The following INSM2 variants were observed in gnomAD, a reference collection of about 807,000 sequenced individuals.
The protein encoded by INSM2 is insulinoma-associated protein 2.
A neutral mutation model predicts 30.5 loss-of-function variants in INSM2; 12 were observed. The ratio of observed to expected loss-of-function variants is 0.39; its 90% CI spans 0.25 to 0.64. The LOEUF is 0.64. Among genes scored for constraint, INSM2 ranks in the 30% least tolerant of loss-of-function variants. The pLI, the probability that INSM2 is intolerant of heterozygous loss-of-function variation, is 0.47. For synonymous variants in INSM2, 418 were observed against 383.7 expected (o/e 1.09, Z -1.05); for missense variants, 773 against 819.2 (o/e 0.94, Z 0.69).
chr14:35,535,170 G>C lies in INSM2; in HGVS notation c.918G>C (p.Leu306=), dbSNP rs2053587816. ...AGGTGTTCAGCTGTCCTGCGAACCTGGCCTCCCATCGCCGCTGGCATAAGC... is the reference window on the plus strand; with the variant it reads ...AGGTGTTCAGCTGTCCTGCGAACCTCGCCTCCCATCGCCGCTGGCATAAGC... The part of the protein sequence containing the change: ...CDKVFSCPAN[L]ASHRRWHKPR... Residue 306 remains leucine, a synonymous_variant, in exon 1 of 1, where the codon CTG becomes CTC. Coordinates refer to ENST00000307169, the MANE Select transcript of INSM2 (RefSeq NM_032594.4). 6.2e-7 allele frequency: 1 copy of C among 1,612,758 alleles called. No individual in the cohort carries two copies. Among genetic ancestry groups the C allele is most frequent in the Admixed American group, 1.7e-5 (1 of 59,972 alleles).
In INSM2 at chr14:35,536,100, A is replaced by T; in HGVS notation, c.*147A>T. On this transcript the variant is annotated 3_prime_UTR_variant, in exon 1 of 1. Transcript: ENST00000307169. ...AAATTCTCCCTGTAGTCAATGTTCC[A>T]CCAGAGGAGCGGACAGTGAAATGTA... The T allele has an allele frequency of 1.0e-6, 1 of 961,774 alleles. No homozygotes were observed. The highest frequency in any genetic ancestry group is 1.6e-6 in the Non-Finnish European group (1 of 641,600). 59.6% of individuals were successfully genotyped at this position (961,774 alleles called of 1,614,324 possible).
rs1203385071 is a variant in INSM2 at position 35,534,246 on chromosome 14, C to T, written c.-7C>T. On this transcript the variant is annotated 5_prime_UTR_variant, in exon 1 of 1. Coordinates refer to ENST00000307169, the MANE Select transcript of INSM2 (RefSeq NM_032594.4). ...TCCTCTTGTCCCAGAGCGCTCTCGA[C>T]TCCACCATGCCAAGGGGATTCCTGG... The T allele has an allele frequency of 2.5e-6, 4 of 1,587,508 alleles. No homozygotes were observed. Among genetic ancestry groups the T allele is most frequent in the Non-Finnish European group, 2.6e-6 (3 of 1,168,616 alleles).
chr14:35,535,946 G>T lies in INSM2; in HGVS notation c.1694G>T (p.Gly565Val). The T allele has an allele frequency of 3.7e-6, 6 of 1,603,048 alleles. No individual in the cohort carries two copies. The highest frequency in any genetic ancestry group is 4.3e-6 in the Non-Finnish European group (5 of 1,174,896). Residue 565 changes from glycine (G) to valine (V), a missense_variant, in exon 1 of 1, where the codon GGC becomes GTC. Transcript: ENST00000307169. ...CTGCTGCAGATGCCACTGCGGCCTGGCTGCTGAGGGACGAGAGACCAGGAT... is the reference window on the plus strand; with the variant it reads ...CTGCTGCAGATGCCACTGCGGCCTGTCTGCTGAGGGACGAGAGACCAGGAT... The part of the protein sequence containing the change: ...VLLLQMPLRP[G>V]C
Position 35,535,282 on chromosome 14 carries a change from G to C in INSM2, c.1030G>C (p.Gly344Arg), listed in dbSNP as rs983429812. Residue 344 changes from glycine to arginine, a missense_variant, in exon 1 of 1, where the codon GGG becomes CGG. By Grantham distance (125) the Gly-to-Arg change is moderately radical. Transcript: ENST00000307169. ...GTCGTCTTCGTCCTCCCGGGACTCC[G>C]GGGCCATTGCATCTTTTCTGGCGGA... Reference protein sequence around the residue: ...SSSSSSSRDSGAIASFLAEGK... With the variant: ...SSSSSSSRDSRAIASFLAEGK... 3.1e-6 allele frequency: 5 copies of C among 1,613,074 alleles called. No individual in the cohort carries two copies. The Admixed American group carries it at 5.0e-5, about 16-fold the overall frequency.
Position 35,534,620 on chromosome 14 carries a change from C to A in INSM2, c.368C>A (p.Ala123Glu). ...CCGGCAGGCGCAGAGCTGCGTCGGGCGTTCCTGGAGCGCTGCCTCAGCTCG... is the reference window on the plus strand; with the variant it reads ...CCGGCAGGCGCAGAGCTGCGTCGGGAGTTCCTGGAGCGCTGCCTCAGCTCG... Reference protein sequence around the residue: ...AKPAGAELRRAFLERCLSSPV... With the variant: ...AKPAGAELRREFLERCLSSPV... The change falls in exon 1 of 1, where the codon GCG becomes GAG. Residue 123 changes from alanine (A) to glutamate (E), a missense_variant. Transcript: ENST00000307169. The A allele has an allele frequency of 6.9e-7, 1 of 1,447,480 alleles. No individual in the cohort carries two copies. The highest frequency in any genetic ancestry group is 9.0e-7 in the Non-Finnish European group (1 of 1,111,426). The allele number at this position is 1,447,480 out of a possible 1,614,324, so 89.7% of individuals were successfully genotyped here.
chr14:35,535,594 C>G lies in INSM2; in HGVS notation c.1342C>G (p.His448Asp), dbSNP rs2053592357. The G allele has an allele frequency of 6.2e-7, 1 of 1,613,276 alleles. No individual in the cohort carries two copies. The highest frequency in any genetic ancestry group is 8.5e-7 in the Non-Finnish European group (1 of 1,179,980). Residue 448 changes from histidine to aspartate, a missense_variant, in exon 1 of 1, where the codon CAC (histidine) becomes GAC (aspartate). By Grantham distance (81) the His-to-Asp change is moderately conservative. Transcript: ENST00000307169. Reference protein sequence around the residue: ...QAYLRKHLSTHEAGSARALAP... With the variant: ...QAYLRKHLSTDEAGSARALAP... ...CTATCTGCGCAAGCACCTGAGCACT[C>G]ACGAGGCGGGCTCGGCCCGTGCGCT...
Position 35,534,949 on chromosome 14 carries a change from A to G in INSM2, c.697A>G (p.Thr233Ala). 6.3e-7 allele frequency: 1 copy of G among 1,578,552 alleles called. No homozygotes were observed. Among genetic ancestry groups the G allele is most frequent in the South Asian group, 1.2e-5 (1 of 85,122 alleles). ...RKLSFADEVTTSPVLGLKIKE... is the reference protein window; with the variant it reads ...RKLSFADEVTASPVLGLKIKE... ...GTTGAGCTTTGCCGATGAGGTGACCACATCCCCTGTCCTGGGCCTGAAGAT... is the reference window on the plus strand; with the variant it reads ...GTTGAGCTTTGCCGATGAGGTGACCGCATCCCCTGTCCTGGGCCTGAAGAT... Residue 233 changes from threonine (T) to alanine (A), a missense_variant, in exon 1 of 1, where the codon ACA becomes GCA. Physicochemically the swap from Thr to Ala is moderately conservative, Grantham distance 58. Coordinates refer to ENST00000307169, the MANE Select transcript of INSM2 (RefSeq NM_032594.4).
In INSM2 at chr14:35,536,488, G is replaced by GT. The variant is rs1357134296; in HGVS notation, c.*536dup. The GT allele has an allele frequency of 6.0e-6, 1 of 166,754 alleles. No individual in the cohort carries two copies. The highest frequency in any genetic ancestry group is 1.9e-4 in the East Asian group (1 of 5,206). 10.3% of individuals were successfully genotyped at this position (166,754 alleles called of 1,614,324 possible). ...GGAGATTCAAGACCTGGCAGAAAAT[G>GT]TAAGAGGATTTTTGCTGCTTTTGGG... On this transcript the variant is annotated 3_prime_UTR_variant, in exon 1 of 1. Transcript: ENST00000307169.
Position 35,535,794 on chromosome 14 carries a change from C to A in INSM2, c.1542C>A (p.Ser514Arg), listed in dbSNP as rs200612952. The change falls in exon 1 of 1, where the codon AGC becomes AGA. Residue 514 changes from serine to arginine, a missense_variant. By Grantham distance (110) the Ser-to-Arg change is moderately radical. Coordinates refer to ENST00000307169, the MANE Select transcript of INSM2 (RefSeq NM_032594.4). The stretch of plus-strand genomic sequence containing the variant: ...CTCCTCCCGAAACGTCGGGCCCTAG[C>A]GGGCCATCTGACGGGAGTGCCCAGC... The part of the protein sequence containing the change: ...AGAPPETSGP[S>R]GPSDGSAQQI... 1.2e-6 allele frequency: 2 copies of A among 1,613,504 alleles called. No individual in the cohort carries two copies. The highest frequency in any genetic ancestry group is 1.3e-5 in the African/African-American group (1 of 75,082).
rs952430792 is a variant in INSM2, at chr14:35,536,789, C to T, written c.*836C>T. The T allele has an allele frequency of 1.2e-5, 2 of 167,148 alleles. No homozygotes were observed. The highest frequency in any genetic ancestry group is 6.5e-5 in the Admixed American group (1 of 15,300). 10.4% of individuals were successfully genotyped at this position (167,148 alleles called of 1,614,324 possible). ...TGTTTAATGCTTCTGCTGTAAATGT[C>T]ATACTGTGTATTCATTATGAAAATA... On this transcript the variant is annotated 3_prime_UTR_variant, in exon 1 of 1. Coordinates refer to ENST00000307169, the MANE Select transcript of INSM2 (RefSeq NM_032594.4).
At position 35,535,369 on chromosome 14, in the gene INSM2, T is replaced by C; in HGVS notation, c.1117T>C (p.Ser373Pro). The change falls in exon 1 of 1, where the codon TCC becomes CCC. Residue 373 changes from serine to proline, a missense_variant. By Grantham distance (74) the Ser-to-Pro change is moderately conservative. Transcript: ENST00000307169. ...TCAGCACCCGCAGGCCAGGGACAGC[T>C]CCGGGGCGGATCAGCACCCGGACAG... ...ADQHPQARDS[S>P]GADQHPDSAP... 1 of 1,611,334 alleles carries C rather than the reference T, an allele frequency of 6.2e-7. No homozygotes were observed. The highest frequency in any genetic ancestry group is 8.5e-7 in the Non-Finnish European group (1 of 1,179,142).
chr14:35,535,050 G>T lies in INSM2; in HGVS notation c.798G>T (p.Gln266His). 1 of 1,589,616 alleles carries T rather than the reference G, an allele frequency of 6.3e-7. No homozygotes were observed. Among genetic ancestry groups the T allele is most frequent in the Non-Finnish European group, 8.6e-7 (1 of 1,167,276 alleles). Residue 266 changes from glutamine (Q) to histidine (H), a missense_variant, in exon 1 of 1, where the codon CAG becomes CAT. Gln to His is a conservative substitution (Grantham distance 24, BLOSUM62 0). Transcript: ENST00000307169. ...SRTPLGEFIC[Q>H]LCKEQYADPF... is the part of the protein sequence containing the mutation. Reference sequence around the variant, plus strand: ...CGCCACTGGGGGAGTTCATCTGCCAGCTGTGCAAGGAGCAGTACGCAGACC... The same window carrying T: ...CGCCACTGGGGGAGTTCATCTGCCATCTGTGCAAGGAGCAGTACGCAGACC...
chr14:35,535,623 G>T lies in INSM2; in HGVS notation c.1371G>T (p.Ala457=). The part of the protein sequence containing the change: ...THEAGSARAL[A]PGFGSERGAP... ...AGGCGGGCTCGGCCCGTGCGCTAGCGCCGGGCTTTGGCTCCGAACGCGGTG... is the reference window on the plus strand; with the variant it reads ...AGGCGGGCTCGGCCCGTGCGCTAGCTCCGGGCTTTGGCTCCGAACGCGGTG... Residue 457 remains alanine (A), a synonymous_variant, in exon 1 of 1, where the codon GCG becomes GCT. Coordinates refer to ENST00000307169, the MANE Select transcript of INSM2 (RefSeq NM_032594.4). 2.5e-6 allele frequency: 4 copies of T among 1,613,100 alleles called. No individual in the cohort carries two copies. Among genetic ancestry groups the T allele is most frequent in the South Asian group, 2.2e-5 (2 of 91,082 alleles).
rs78364543 is a variant in INSM2 at position 35,535,441 on chromosome 14, C to T, written c.1189C>T (p.Leu397=). The T allele has an allele frequency of 3.0e-4, 485 of 1,612,468 alleles. 2 individuals are homozygous for T. In the African/African-American group the frequency reaches 6.1e-3, roughly 20 times the overall value. The part of the protein sequence containing the change: ...LQVLTHPEPP[L]PQGPYTEGVL... ...GGTGCTGACGCATCCAGAGCCACCG[C>T]TGCCTCAGGGCCCCTACACGGAGGG... The change falls in exon 1 of 1, where the codon CTG becomes TTG. Residue 397 remains leucine, a synonymous_variant. Transcript: ENST00000307169.
In INSM2 at chr14:35,536,050, T is replaced by C; in HGVS notation, c.*97T>C. The C allele has an allele frequency of 1.4e-6, 2 of 1,404,204 alleles. No individual in the cohort carries two copies. Among genetic ancestry groups the C allele is most frequent in the Non-Finnish European group, 1.9e-6 (2 of 1,032,350 alleles). The allele number at this position is 1,404,204 out of a possible 1,614,324, so 87.0% of individuals were successfully genotyped here. A position where few individuals can be genotyped will look rare whatever the true frequency, so the allele number is the denominator to read the frequency against. ...TCTTCAACTTGCAAGTTTACTTTCA[T>C]TCCTTCCTATGTTTTAATCCCCTAA... On this transcript the variant is annotated 3_prime_UTR_variant, in exon 1 of 1. Transcript: ENST00000307169.
At position 35,536,051 on chromosome 14, in the gene INSM2, T is replaced by C. The variant is rs1045719554; in HGVS notation, c.*98T>C. 2.1e-6 allele frequency: 3 copies of C among 1,409,188 alleles called. No individual in the cohort carries two copies. The African/African-American group carries it at 4.3e-5, about 20-fold the overall frequency. The allele number at this position is 1,409,188 out of a possible 1,614,324, so 87.3% of individuals were successfully genotyped here. On this transcript the variant is annotated 3_prime_UTR_variant, in exon 1 of 1. Coordinates refer to ENST00000307169, the MANE Select transcript of INSM2 (RefSeq NM_032594.4). The stretch of plus-strand genomic sequence containing the variant: ...CTTCAACTTGCAAGTTTACTTTCAT[T>C]CCTTCCTATGTTTTAATCCCCTAAA...
In INSM2 at chr14:35,534,382, G is replaced by T; in HGVS notation, c.130G>T (p.Ala44Ser). 1 of 1,552,110 alleles carries T rather than the reference G, an allele frequency of 6.4e-7. No individual in the cohort carries two copies. The highest frequency in any genetic ancestry group is 8.7e-7 in the Non-Finnish European group (1 of 1,153,902). Residue 44 changes from alanine (A) to serine (S), a missense_variant, in exon 1 of 1, where the codon GCC becomes TCC. Ala to Ser is a moderately conservative substitution (Grantham distance 99). Transcript: ENST00000307169. ...APPFLEEAPS[A>S]SLPGAERATP... is the part of the protein sequence containing the mutation. Reference sequence around the variant, plus strand: ...GCCCTTCTTGGAGGAGGCTCCCAGCGCCTCCTTGCCCGGCGCGGAGCGGGC... The same window carrying T: ...GCCCTTCTTGGAGGAGGCTCCCAGCTCCTCCTTGCCCGGCGCGGAGCGGGC...
rs551069791 is a variant in INSM2, at chr14:35,536,377, C to T, written c.*424C>T. The T allele has an allele frequency of 1.4e-4, 24 of 177,202 alleles. No individual in the cohort carries two copies. Among genetic ancestry groups the T allele is most frequent in the Non-Finnish European group, 2.9e-4 (22 of 75,708 alleles). The allele number at this position is 177,202 out of a possible 1,614,324, so 11.0% of individuals were successfully genotyped here. Reference sequence around the variant, plus strand: ...TTTTTTGTCTTGTCATCACAGGCGCCTATACAGCTTCTGTCTCAATAGGGT... The same window carrying T: ...TTTTTTGTCTTGTCATCACAGGCGCTTATACAGCTTCTGTCTCAATAGGGT... On this transcript the variant is annotated 3_prime_UTR_variant, in exon 1 of 1. Coordinates refer to ENST00000307169, the MANE Select transcript of INSM2 (RefSeq NM_032594.4).
chr14:35,534,396 C>A lies in INSM2; in HGVS notation c.144C>A (p.Gly48=), dbSNP rs2053578432. 6.5e-7 allele frequency: 1 copy of A among 1,531,236 alleles called. No individual in the cohort carries two copies. The highest frequency in any genetic ancestry group is 1.2e-5 in the South Asian group (1 of 80,886). The allele number at this position is 1,531,236 out of a possible 1,614,324, so 94.9% of individuals were successfully genotyped here. A position where few individuals can be genotyped will look rare whatever the true frequency, so the allele number is the denominator to read the frequency against. The change falls in exon 1 of 1, where the codon GGC becomes GGA. Residue 48 remains glycine (G), a synonymous_variant. Coordinates refer to ENST00000307169, the MANE Select transcript of INSM2 (RefSeq NM_032594.4). ...AGGCTCCCAGCGCCTCCTTGCCCGG[C>A]GCGGAGCGGGCGACACCCCCCACCC... is the stretch of plus-strand genomic sequence containing the variant. ...LEEAPSASLP[G]AERATPPTRE... is the part of the protein sequence containing the mutation.
Sources: gnomAD v4.1 joint callset for allele counts on GRCh38, gnomAD v4.1.1 for gene constraint, MANE v1.5 for transcripts, NCBI Gene and HGNC (gene_info 2026-07-23, HGNC 2026-07-21) for gene names.